ARHGAP10: variants seen among roughly 807,000 people sequenced by gnomAD.
ARHGAP10 encodes rho GTPase-activating protein 10.
A neutral mutation model predicts 108.6 loss-of-function variants in ARHGAP10; 87 were observed. That is an observed-to-expected ratio of 0.80 (90% CI 0.67 to 0.96). The LOEUF (loss-of-function observed/expected upper bound fraction) is 0.96, where lower values mean the gene tolerates loss of function less well. ARHGAP10 is among the 40% of genes least tolerant of loss of function. The probability of loss-of-function intolerance (pLI) is 0.00; values close to 1 mark genes in which losing one functional copy is unlikely to be tolerated. For missense variants in ARHGAP10, 939 were observed against 954.5 expected (o/e 0.98, Z 0.21); for synonymous variants, 347 against 341.1 (o/e 1.02, Z -0.19).
At chr4:147,982,098 T>C (rs1256135223) in intron 18 of ARHGAP10, among the ~76,000 whole-genome samples, 2 of 152,206 alleles carry the variant, frequency 1.3e-5, no homozygotes, top group Non-Finnish European at 2.9e-5. Context: ...AGTGCAGTGG[T>C]ATGAGTATGG....
chr4:147,995,971 C>G (rs762160924), intron 18 of ARHGAP10, among the ~76,000 whole-genome samples: 3 of 152,216 alleles, frequency 2.0e-5, no homozygotes, highest in Non-Finnish European at 4.4e-5. Context: ...CCTGCCTCAG[C>G]CTCCCAAAGT....
intron 10 of ARHGAP10, among the ~76,000 whole-genome samples, chr4:147,895,512 CAAAAAAAA>C (rs70958593): frequency 2.3e-5 from 2 of 85,314 alleles, no homozygotes; most frequent in East Asian, 3.4e-4. Context: ...GACCCTGTCT[CAAAAAAAA>C]AAAAAAAAAA....
chr4:147,879,304 T>C lies in ARHGAP10; in HGVS notation c.905T>C (p.Met302Thr). The change falls in exon 9 of 23, where the codon ATG becomes ACG. Residue 302 changes from methionine to threonine, a missense_variant. Coordinates refer to ENST00000336498, the MANE Select transcript of ARHGAP10 (RefSeq NM_024605.4). ...CGAAAAGCAGCAAAGAAGTTCAACA[T>C]GATCCCATTTGAGCACAGATCTGGA... ...MYRKAAKKFN[M>T]IPFEHRSGGK... The C allele has an allele frequency of 6.2e-7, 1 of 1,614,084 alleles. No homozygotes were observed. Among genetic ancestry groups the C allele is most frequent in the Non-Finnish European group, 8.5e-7 (1 of 1,179,938 alleles).
rs1458425857 is a variant in ARHGAP10, at chr4:148,047,037, C to G, written c.2013C>G (p.Asp671Glu). Residue 671 changes from aspartate (D) to glutamate (E), a missense_variant, in exon 20 of 23, where the codon GAC becomes GAG. Coordinates refer to ENST00000336498, the MANE Select transcript of ARHGAP10 (RefSeq NM_024605.4). The part of the protein sequence containing the change: ...HLLADGGSFG[D>E]WASTIPGQTR... The stretch of plus-strand genomic sequence containing the variant: ...TGGCAGATGGAGGGAGCTTTGGAGA[C>G]TGGGCATCCACTATGTAAGTAACCG... 1 of 1,614,126 alleles carries G rather than the reference C, an allele frequency of 6.2e-7. No homozygotes were observed. The highest frequency in any genetic ancestry group is 1.1e-5 in the South Asian group (1 of 91,064).
intron 18 of ARHGAP10, among the ~76,000 whole-genome samples, chr4:148,003,615 G>A (rs924585950): frequency 2.6e-5 from 4 of 152,216 alleles, no homozygotes; most frequent in South Asian, 4.2e-4. Context: ...GTGCATATAT[G>A]TTTAGGATAG....
intron 18 of ARHGAP10, among the ~76,000 whole-genome samples, chr4:148,021,987 T>C (rs771686121): frequency 1.6e-4 from 24 of 152,272 alleles, no homozygotes; most frequent in Admixed American, 2.6e-4. Context: ...TATATAATAG[T>C]TTTTAGGTGC....
intron 18 of ARHGAP10, among the ~76,000 whole-genome samples, chr4:147,980,824 A>C (rs1739782924): frequency 6.6e-6 from 1 of 152,140 alleles, no homozygotes; most frequent in South Asian, 2.1e-4. Context: ...TTTTCTAATC[A>C]GTGTGCATAG....
chr4:147,947,513 A>G (rs1416864675), intron 15 of ARHGAP10, among the ~76,000 whole-genome samples: 1 of 150,788 alleles, frequency 6.6e-6, no homozygotes, highest in Non-Finnish European at 1.5e-5. Flanking sequence ...ATCAATTCTC[A>G]TGTCTCAGCC....
chr4:147,981,527 T>A (rs1739804965), intron 18 of ARHGAP10, among the ~76,000 whole-genome samples: 1 of 152,236 alleles, frequency 6.6e-6, no homozygotes, highest in Admixed American at 6.5e-5. Flanking sequence ...GGAGAATGAC[T>A]ATTCTGTGGT....
intron 1 of ARHGAP10, among the ~76,000 whole-genome samples, chr4:147,771,342 A>AC (rs1481412360): frequency 2.6e-5 from 4 of 152,202 alleles, no homozygotes; most frequent in African/African-American, 9.7e-5. Flanking sequence ...TTGTGGGTAC[A>AC]CAGTAGGTAT....
intron 1 of ARHGAP10, among the ~76,000 whole-genome samples, chr4:147,814,688 C>T (rs753390940): frequency 2.0e-5 from 3 of 152,102 alleles, no homozygotes; most frequent in Non-Finnish European, 4.4e-5. Context: ...TGTCATTGAG[C>T]GTAACTTCCA....
intron 19 of ARHGAP10, among the ~76,000 whole-genome samples, chr4:148,032,112 T>C (rs1320973611): frequency 6.6e-6 from 1 of 152,106 alleles, no homozygotes; most frequent in Non-Finnish European, 1.5e-5. Flanking sequence ...CCCTTCTTTC[T>C]TTATTAAAAA....
At chr4:147,829,215 T>C (rs1182699318) in intron 3 of ARHGAP10, among the ~76,000 whole-genome samples, 1 of 152,014 alleles carries the variant, frequency 6.6e-6, no homozygotes, top group Non-Finnish European at 1.5e-5. Context: ...TATGTCCGGC[T>C]AATTTTTTTT....
chr4:147,916,313 T>C (rs1441978705), intron 13 of ARHGAP10, among the ~76,000 whole-genome samples: 2 of 152,248 alleles, frequency 1.3e-5, no homozygotes, highest in Non-Finnish European at 2.9e-5. Context: ...TTAGAACATA[T>C]TTATTGGAAC....
At position 147,969,345 on chromosome 4, in the gene ARHGAP10, T is replaced by TTTG. The variant is rs761497318; in HGVS notation, c.1716+2506_1716+2507insTTG. On this transcript the variant is annotated intron_variant, in intron 18 of 22. Coordinates refer to ENST00000336498, the MANE Select transcript of ARHGAP10 (RefSeq NM_024605.4). ...TTGCCTTTTTTTTTTTTTTTTTTTT[T>TTTG]GCCAGTGGTGGTGAATTTATGCCTC... is the stretch of plus-strand genomic sequence containing the variant. Among the ~76,000 whole-genome samples, 551 of 129,102 alleles carry TTTG rather than the reference T, an allele frequency of 4.3e-3. 5 individuals carry two copies. The highest frequency in any genetic ancestry group is 0.012 in the African/African-American group (351 of 30,478). The allele number at this position is 129,102 out of a possible 152,430, so 84.7% of individuals were successfully genotyped here.
intron 10 of ARHGAP10, among the ~76,000 whole-genome samples, chr4:147,894,281 C>A (rs1337699480): frequency 6.6e-6 from 1 of 152,122 alleles, no homozygotes; most frequent in South Asian, 2.1e-4. Context: ...GGTTATGTTA[C>A]TCTTTTTCAT....
At chr4:147,964,586 A>G (rs1739134052) in intron 16 of ARHGAP10, among the ~76,000 whole-genome samples, 1 of 152,158 alleles carries the variant, frequency 6.6e-6, no homozygotes, top group African/African-American at 2.4e-5. Context: ...GAACTTCAAC[A>G]TATTTTTTGA....
At chr4:147,829,331 G>C (rs1418749076) in intron 3 of ARHGAP10, among the ~76,000 whole-genome samples, 1 of 151,986 alleles carries the variant, frequency 6.6e-6, no homozygotes, top group African/African-American at 2.4e-5. Context: ...GGGATTACAG[G>C]TGTGAGCCAC....
chr4:148,037,750 G>A (rs943987735), intron 19 of ARHGAP10, among the ~76,000 whole-genome samples: 12 of 151,648 alleles, frequency 7.9e-5, no homozygotes, highest in African/African-American at 2.2e-4. Flanking sequence ...TACGAGAATC[G>A]CTTGAACCCA....
Sources: allele counts gnomAD v4.1 joint callset (sites outside exome capture counted in the v4.1 genomes callset), GRCh38; gene constraint gnomAD v4.1.1; transcripts MANE v1.5; gene names NCBI Gene and HGNC (gene_info 2026-07-23, HGNC 2026-07-21).